The following ROBO2 variants were observed in gnomAD, a reference collection of about 807,000 sequenced individuals.
ROBO2 encodes roundabout homolog 2.
In ROBO2, 53 loss-of-function variants were observed where a neutral mutation model predicts 160.8. The observed-to-expected ratio is 0.33, with a 90% CI of 0.26 to 0.41. ROBO2 has a LOEUF of 0.41. Ranked by LOEUF, ROBO2 falls within the 10% of genes least tolerant of loss-of-function variation. The pLI is 1.00. For synonymous variants in ROBO2, 664 were observed against 611.7 expected (o/e 1.09, Z -1.26); for missense variants, 1,577 against 1,722.4 (o/e 0.92, Z 1.49).
chr3:76,671,063 T>C (rs1224795690), intron 2 of ROBO2, among the ~76,000 whole-genome samples: 1 of 152,136 alleles, frequency 6.6e-6, no homozygotes, highest in East Asian at 1.9e-4. Flanking sequence ...AAATGAAAAC[T>C]TAACAGTACT....
In ROBO2 at chr3:76,028,444, A is replaced by G. The variant is rs115820370; in HGVS notation, c.109+90842A>G. Among the ~76,000 whole-genome samples the G allele has an allele frequency of 7.2e-3, 1,096 of 152,008 alleles. 19 individuals are homozygous for G. The highest frequency in any genetic ancestry group is 0.026 in the African/African-American group (1,061 of 41,526). Reference sequence around the variant, plus strand: ...TTAAAAAGTAACAGAAATATTACCAACCATGTGATAAAAACATGAAAAAAT... The same window carrying G: ...TTAAAAAGTAACAGAAATATTACCAGCCATGTGATAAAAACATGAAAAAAT... On this transcript the variant is annotated intron_variant, in intron 2 of 26. Coordinates refer to the ROBO2 transcript ENST00000487694.
rs2094917124 is a variant in ROBO2 at position 77,622,242 on chromosome 3, T to C, written c.3570T>C (p.Asn1190=). The C allele has an allele frequency of 2.5e-6, 4 of 1,614,008 alleles. No homozygotes were observed. The South Asian group carries it at 4.4e-5, about 18-fold the overall frequency. Residue 1190 remains asparagine (N), a synonymous_variant, in exon 23 of 26, where the codon AAT becomes AAC. Coordinates refer to ENST00000461745, the Ensembl canonical transcript of ROBO2. The stretch of plus-strand genomic sequence containing the variant: ...TGAATTCTAGGCACATTCAAAGCAA[T>C]AATCAACCTCCACAGCCTCCAGTTC...
intron 2 of ROBO2, among the ~76,000 whole-genome samples, chr3:77,014,053 C>A (rs2149476525): frequency 6.7e-6 from 1 of 150,058 alleles, no homozygotes; most frequent in Non-Finnish European, 1.5e-5. Flanking sequence ...GTCTCTTATT[C>A]TACATTCGCC....
intron 1 of ROBO2, among the ~76,000 whole-genome samples, chr3:77,090,343 T>A (rs2069996564): frequency 6.8e-5 from 2 of 29,418 alleles, no homozygotes; most frequent in African/African-American, 3.8e-4. Context: ...TTTTTTTTTT[T>A]TTTTTTTTTT....
At chr3:75,907,465 A>C (rs1369368349) in intron 1 of ROBO2, among the ~76,000 whole-genome samples, 1 of 152,074 alleles carries the variant, frequency 6.6e-6, no homozygotes, top group Non-Finnish European at 1.5e-5. Context: ...GAGTAACTTC[A>C]GGTTCCTTTG....
intron 2 of ROBO2, among the ~76,000 whole-genome samples, chr3:76,646,960 G>A (rs1466945807): frequency 7.9e-5 from 12 of 152,184 alleles, no homozygotes; most frequent in Non-Finnish European, 1.5e-5. Context: ...AAAGGGAAGA[G>A]GCTGGCCTTA....
At chr3:77,527,296 T>C (rs775694408) in intron 6 of ROBO2, 107 bp from the exon 7 acceptor site, 1 of 749,072 alleles carries the variant, frequency 1.3e-6, no homozygotes, top group South Asian at 1.6e-5. Context: ...AATCACTCTA[T>C]TGTCCATACT....
At chr3:76,219,560 C>G (rs201125633) in intron 2 of ROBO2, among the ~76,000 whole-genome samples, 1 of 152,236 alleles carries the variant, frequency 6.6e-6, no homozygotes, top group East Asian at 1.9e-4. Flanking sequence ...ATGCAGCCAA[C>G]AGACACATGA....
intron 2 of ROBO2, among the ~76,000 whole-genome samples, chr3:76,748,643 G>GT (rs2093931383): frequency 6.6e-6 from 1 of 151,678 alleles, no homozygotes; most frequent in South Asian, 2.1e-4. Flanking sequence ...ATTAAAACAA[G>GT]TGGGTACATT....
At chr3:77,165,512 G>A (rs2078994131) in intron 2 of ROBO2, among the ~76,000 whole-genome samples, 1 of 148,872 alleles carries the variant, frequency 6.7e-6, no homozygotes, top group African/African-American at 2.5e-5. Flanking sequence ...ATTGTCCCAT[G>A]ACCCTGCCAA....
chr3:76,835,055 A>G (rs113575441), intron 2 of ROBO2, among the ~76,000 whole-genome samples: 105 of 152,270 alleles, frequency 6.9e-4, no homozygotes, highest in African/African-American at 2.4e-3. Flanking sequence ...AATTGTGACT[A>G]TAGAATGCAA....
At chr3:76,983,606 C>T (rs150764168) in intron 2 of ROBO2, among the ~76,000 whole-genome samples, 64 of 152,096 alleles carry the variant, frequency 4.2e-4, no homozygotes, top group African/African-American at 1.5e-3. Flanking sequence ...CCTACAAGGA[C>T]AAGAATACTG....
intron 2 of ROBO2, among the ~76,000 whole-genome samples, chr3:76,481,179 T>A (rs539156761): frequency 3.3e-5 from 5 of 152,166 alleles, no homozygotes; most frequent in South Asian, 4.1e-4. Context: ...GCATCTTTTT[T>A]AAATGTGAAC....
At chr3:76,610,351 C>G (rs2109067269) in intron 2 of ROBO2, among the ~76,000 whole-genome samples, 1 of 152,302 alleles carries the variant, frequency 6.6e-6, no homozygotes, top group Non-Finnish European at 1.5e-5. Context: ...CCTCTCTTGG[C>G]TCACATCCCC....
At chr3:77,238,555 T>C (rs1314410113) in intron 2 of ROBO2, among the ~76,000 whole-genome samples, 1 of 152,138 alleles carries the variant, frequency 6.6e-6, no homozygotes, top group Non-Finnish European at 1.5e-5. Context: ...TAAAATAGAT[T>C]TGAATGAAAA....
chr3:76,940,204 G>T (rs1490043786), intron 2 of ROBO2, among the ~76,000 whole-genome samples: 1 of 151,942 alleles, frequency 6.6e-6, no homozygotes, highest in Non-Finnish European at 1.5e-5. Context: ...GGATGGTCTC[G>T]ATCTCTTGAC....
rs1208598651 is a variant in ROBO2, at chr3:76,704,007, T to C, written c.110-394007T>C. 2.0e-5 allele frequency among the ~76,000 whole-genome samples: 3 copies of C among 152,046 alleles called. 1 individual carries two copies. Among genetic ancestry groups the C allele is most frequent in the South Asian group, 4.1e-4 (2 of 4,828 alleles). On this transcript the variant is annotated intron_variant, in intron 2 of 26. Coordinates refer to the ROBO2 transcript ENST00000487694. ...TTCTTTTTTTTTTTCCTTTTTGTTA[T>C]AGTTTCTGATATGGAATGGGCATCT... is the stretch of plus-strand genomic sequence containing the variant.
At chr3:77,370,957 T>A (rs180773794) in intron 2 of ROBO2, among the ~76,000 whole-genome samples, 43 of 152,316 alleles carry the variant, frequency 2.8e-4, no homozygotes, top group Non-Finnish European at 8.8e-5. Flanking sequence ...AGCTCTGACG[T>A]CTTTGCAGTT....
chr3:77,504,294 G>A (rs2088129549), intron 5 of ROBO2, among the ~76,000 whole-genome samples: 1 of 152,050 alleles, frequency 6.6e-6, no homozygotes. Flanking sequence ...CCTTTATAAA[G>A]ATGATCTGGT....
Sources: gnomAD v4.1 joint callset for allele counts (sites outside exome capture counted in the v4.1 genomes callset) on GRCh38, gnomAD v4.1.1 for gene constraint, MANE v1.5 for transcripts, NCBI Gene and HGNC (gene_info 2026-07-23, HGNC 2026-07-21) for gene names.